SYNPO2: variants seen among roughly 807,000 people sequenced by gnomAD.
The protein encoded by SYNPO2 is synaptopodin-2.
A neutral mutation model predicts 85.0 loss-of-function variants in SYNPO2; 56 were observed. That is an observed-to-expected ratio of 0.66 (90% CI 0.53 to 0.82). The LOEUF (loss-of-function observed/expected upper bound fraction) is 0.82, where lower values mean the gene tolerates loss of function less well. SYNPO2 is among the 40% of genes least tolerant of loss of function. The pLI is 0.00. For missense variants in SYNPO2, 1,575 were observed against 1,534.2 expected, an observed-to-expected ratio of 1.03 and a Z score of -0.44; for synonymous variants, 602 against 591.1, an observed-to-expected ratio of 1.02 and a Z score of -0.27.
intron 1 of SYNPO2, among the ~76,000 whole-genome samples, chr4:119,022,359 G>A (rs1366312650): frequency 3.3e-5 from 5 of 151,970 alleles, no homozygotes; most frequent in Non-Finnish European, 5.9e-5. Context: ...TTAAGACGGG[G>A]TCTTGCTCTG....
chr4:118,985,604 C>T (rs1335571699), intron 1 of SYNPO2, among the ~76,000 whole-genome samples: 1 of 152,204 alleles, frequency 6.6e-6, no homozygotes, highest in Non-Finnish European at 1.5e-5. Flanking sequence ...ATGTCAAAAG[C>T]CTTGTCATCC....
At chr4:118,918,686 G>A (rs891290578) in intron 1 of SYNPO2, among the ~76,000 whole-genome samples, 1 of 152,128 alleles carries the variant, frequency 6.6e-6, no homozygotes, top group African/African-American at 2.4e-5. Flanking sequence ...TACAGATTGC[G>A]TTTACTTAAA....
chr4:118,956,878 C>G (rs1734895754), intron 1 of SYNPO2, among the ~76,000 whole-genome samples: 1 of 151,868 alleles, frequency 6.6e-6, no homozygotes, highest in African/African-American at 2.4e-5. Flanking sequence ...AACTCCGTCT[C>G]TACTAAAAAT....
At chr4:118,998,449 T>A (rs7664050) in intron 1 of SYNPO2, among the ~76,000 whole-genome samples, 12,639 of 152,270 alleles carry the variant, frequency 0.083, 643 homozygotes, top group East Asian at 0.12. Context: ...ATGAAAACTT[T>A]AAAAAATTGT....
At chr4:118,887,357 A>T (rs1035852490), upstream of SYNPO2, among the ~76,000 whole-genome samples, 7 of 152,184 alleles carry the variant, frequency 4.6e-5, no homozygotes, top group Non-Finnish European at 1.0e-4. Context: ...TTCAAAAAAA[A>T]TTCATAAAAT....
intron 1 of SYNPO2, among the ~76,000 whole-genome samples, chr4:118,855,985 C>T (rs1416324100): frequency 6.6e-6 from 1 of 152,134 alleles, no homozygotes; most frequent in African/African-American, 2.4e-5. Context: ...TCATAAGCAG[C>T]CTTCTCATCA....
chr4:119,037,383 GA>G (rs936136426), intron 4 of SYNPO2: 590 of 1,182,356 alleles, frequency 5.0e-4, no homozygotes, highest in East Asian at 2.1e-3. Context: ...GCCCTGAGTT[GA>G]AAAAAAAAAT....
At chr4:118,857,096 C>T (rs1313262221) in intron 1 of SYNPO2, among the ~76,000 whole-genome samples, 1 of 151,970 alleles carries the variant, frequency 6.6e-6, no homozygotes, top group African/African-American at 2.4e-5. Flanking sequence ...AATCAAGCTA[C>T]TTATATGATG....
At chr4:118,929,766 A>G (rs1218929118) in intron 1 of SYNPO2, among the ~76,000 whole-genome samples, 2 of 152,198 alleles carry the variant, frequency 1.3e-5, no homozygotes, top group African/African-American at 2.4e-5. Context: ...AGTGATTATC[A>G]TAGATCGATT....
At position 118,977,372 on chromosome 4, in the gene SYNPO2, C is replaced by T. The variant is rs190637263; in HGVS notation, c.106-46058C>T. ...GGGGCCTGCCAACCCCACGCCCACC[C>T]GGAACTCCAGCTGGCCCGCAAGCGC... On this transcript the variant is annotated intron_variant, in intron 1 of 4. Coordinates refer to ENST00000307142, the MANE Select transcript of SYNPO2 (RefSeq NM_133477.3). Among the ~76,000 whole-genome samples the T allele has an allele frequency of 3.0e-4, 46 of 152,354 alleles. 1 individual carries two copies. The East Asian group carries it at 6.4e-3, about 21-fold the overall frequency.
rs1428341400 is a variant in SYNPO2 at position 119,039,507 on chromosome 4, A to C, written c.3252+7480A>C. On this transcript the variant is annotated intron_variant, in intron 4 of 4. Coordinates refer to ENST00000307142, the MANE Select transcript of SYNPO2 (RefSeq NM_133477.3). ...CAATAGACATTTTTAAACAGGGTGC[A>C]TGGGGAAAAGCTGTAGTTTTTATCT... 2.0e-5 allele frequency among the ~76,000 whole-genome samples: 3 copies of C among 152,186 alleles called. No homozygotes were observed. In the East Asian group the frequency reaches 5.8e-4, roughly 29 times the overall value.
intron 1 of SYNPO2, among the ~76,000 whole-genome samples, chr4:118,883,344 T>C (rs1480349385): frequency 2.6e-5 from 4 of 152,208 alleles, no homozygotes; most frequent in Non-Finnish European, 5.9e-5. Flanking sequence ...AAAGTAATGA[T>C]GTTTTTTGAG....
intron 4 of SYNPO2, among the ~76,000 whole-genome samples, chr4:119,046,224 A>G (rs1368401627): frequency 1.3e-5 from 2 of 152,214 alleles, no homozygotes. Flanking sequence ...CAAAGATGAA[A>G]GAGACAACAA....
intron 1 of SYNPO2, among the ~76,000 whole-genome samples, chr4:118,908,787 A>G (rs188097654): frequency 1.3e-5 from 2 of 152,332 alleles, no homozygotes; most frequent in East Asian, 3.9e-4. Context: ...CCGTTTCAAG[A>G]GAAGGCCGTT....
At chr4:118,931,278 A>G (rs1300995134) in intron 1 of SYNPO2, among the ~76,000 whole-genome samples, 1 of 151,790 alleles carries the variant, frequency 6.6e-6, no homozygotes, top group African/African-American at 2.4e-5. Context: ...TCACAGAGCT[A>G]TAAGTAGGAG....
intron 4 of SYNPO2, chr4:119,037,275 A>G: frequency 1.4e-6 from 2 of 1,434,536 alleles, no homozygotes; most frequent in Non-Finnish European, 1.8e-6. Context: ...GCTCCTTAAT[A>G]ACTACTGATG....
At chr4:118,931,591 A>G (rs940781377) in intron 1 of SYNPO2, among the ~76,000 whole-genome samples, 1 of 152,232 alleles carries the variant, frequency 6.6e-6, no homozygotes, top group African/African-American at 2.4e-5. Flanking sequence ...TCTAAACTCT[A>G]TAAAGAACTT....
intron 1 of SYNPO2, among the ~76,000 whole-genome samples, chr4:118,987,643 G>GA (rs777269364): frequency 0.031 from 3,739 of 119,274 alleles, 117 homozygotes; most frequent in African/African-American, 0.086. Context: ...CAGCCCACAT[G>GA]AAAAAAAAAA....
At chr4:119,021,948 G>A (rs960325374) in intron 1 of SYNPO2, among the ~76,000 whole-genome samples, 1 of 152,188 alleles carries the variant, frequency 6.6e-6, no homozygotes, top group African/African-American at 2.4e-5. Context: ...ATCTCTTACT[G>A]GAGTAAGAAT....
Sources: gnomAD v4.1 joint callset for allele counts (sites outside exome capture counted in the v4.1 genomes callset) on GRCh38, gnomAD v4.1.1 for gene constraint, MANE v1.5 for transcripts, NCBI Gene and HGNC (gene_info 2026-07-23, HGNC 2026-07-21) for gene names.